The following FGF12 variants were observed in gnomAD, a reference collection of about 807,000 sequenced individuals.
FGF12 encodes the protein fibroblast growth factor 12.
A neutral mutation model predicts 23.6 loss-of-function variants in FGF12; 14 were observed. The observed-to-expected ratio is 0.59, with a 90% CI of 0.39 to 0.93. The LOEUF is 0.93. FGF12 is among the 40% of genes least tolerant of loss of function. The pLI is 0.00. For missense variants in FGF12, 175 were observed against 217.8 expected, an observed-to-expected ratio of 0.80 and a Z score of 1.24; for synonymous variants, 62 against 77.3, an observed-to-expected ratio of 0.80 and a Z score of 1.04.
intron 4 of FGF12, among the ~76,000 whole-genome samples, chr3:192,236,402 G>T (rs1441270676): frequency 6.6e-6 from 1 of 152,108 alleles, no homozygotes; most frequent in African/African-American, 2.4e-5. Context: ...GTTTACATTT[G>T]ATATATCTTT....
At chr3:192,317,800 G>A (rs547113792) in intron 4 of FGF12, among the ~76,000 whole-genome samples, 68 of 152,282 alleles carry the variant, frequency 4.5e-4, no homozygotes, top group African/African-American at 1.5e-3. Context: ...CTGGCTTTAG[G>A]TATGACCTAG....
At chr3:192,472,448 C>T (rs1307264436) in intron 2 of FGF12, among the ~76,000 whole-genome samples, 3 of 152,118 alleles carry the variant, frequency 2.0e-5, no homozygotes, top group Admixed American at 6.5e-5. Context: ...CCTTTCCTAA[C>T]ACTGTCACTT....
chr3:192,195,952 G>A (rs577557303), intron 4 of FGF12, among the ~76,000 whole-genome samples: 1 of 152,230 alleles, frequency 6.6e-6, no homozygotes, highest in South Asian at 2.1e-4. Flanking sequence ...GAGATCTCTT[G>A]AACTTAACTC....
intron 5 of FGF12, among the ~76,000 whole-genome samples, chr3:192,144,708 G>A (rs546670436): frequency 6.6e-6 from 1 of 152,228 alleles, no homozygotes; most frequent in African/African-American, 2.4e-5. Context: ...TCATCAATAG[G>A]GAACGTGATT....
At chr3:192,534,605 T>A (rs929686144) in intron 2 of FGF12, among the ~76,000 whole-genome samples, 2 of 152,146 alleles carry the variant, frequency 1.3e-5, no homozygotes, top group African/African-American at 4.8e-5. Context: ...TTGGCCGGAC[T>A]GGTACCGAAC....
At chr3:192,188,769 A>T (rs375703988) in intron 4 of FGF12, among the ~76,000 whole-genome samples, 1 of 152,216 alleles carries the variant, frequency 6.6e-6, no homozygotes, top group Non-Finnish European at 1.5e-5. Flanking sequence ...GAATCATCAT[A>T]CTTATTTCAC....
chr3:192,221,798 C>A (rs77254804), intron 4 of FGF12, among the ~76,000 whole-genome samples: 5,461 of 151,968 alleles, frequency 0.036, 326 homozygotes, highest in African/African-American at 0.13. Context: ...AAGATACAAT[C>A]CTGTCTCTAG....
At chr3:192,443,055 G>A (rs1722248740) in intron 2 of FGF12, among the ~76,000 whole-genome samples, 1 of 151,968 alleles carries the variant, frequency 6.6e-6, no homozygotes, top group African/African-American at 2.4e-5. Flanking sequence ...GATCCACTTT[G>A]CCTCAACCTC....
At chr3:192,502,771 G>A (rs1442004038) in intron 2 of FGF12, among the ~76,000 whole-genome samples, 10 of 152,206 alleles carry the variant, frequency 6.6e-5, no homozygotes, top group African/African-American at 2.4e-4. Context: ...ATGGAATTGG[G>A]AGTAGCGCCT....
intron 2 of FGF12, among the ~76,000 whole-genome samples, chr3:192,713,175 G>A (rs756356612): frequency 7.9e-5 from 12 of 152,124 alleles, no homozygotes; most frequent in Non-Finnish European, 1.6e-4. Flanking sequence ...ACTAAATACT[G>A]ATCTAACAAA....
At chr3:192,468,587 C>T (rs983254024) in intron 2 of FGF12, among the ~76,000 whole-genome samples, 1 of 152,160 alleles carries the variant, frequency 6.6e-6, no homozygotes, top group African/African-American at 2.4e-5. Flanking sequence ...ATGCTGTGTC[C>T]TTCTTAGACA....
chr3:192,196,437 G>C (rs1179871811), intron 4 of FGF12, among the ~76,000 whole-genome samples: 1 of 152,028 alleles, frequency 6.6e-6, no homozygotes, highest in Non-Finnish European at 1.5e-5. Context: ...AAATGTAAAA[G>C]ATCATTATAA....
chr3:192,408,010 C>G lies in FGF12; in HGVS notation c.14-47472G>C. The G allele has an allele frequency of 6.3e-7, 1 of 1,595,148 alleles. No homozygotes were observed. Among genetic ancestry groups the G allele is most frequent in the South Asian group, 1.1e-5 (1 of 88,964 alleles). Reference sequence around the variant, plus strand: ...CGTCCCCTCTGGGGAGCCCACTCTCCGGGCTTCTACTGACCTGGTCTCCGC... The same window carrying G: ...CGTCCCCTCTGGGGAGCCCACTCTCGGGGCTTCTACTGACCTGGTCTCCGC... On this transcript the variant is annotated intron_variant, in intron 2 of 5. Transcript: ENST00000445105. The surrounding 1 kb of genome is among the most constrained non-coding windows in gnomAD (Gnocchi z 7.3).
At chr3:192,529,617 T>C (rs545168382) in intron 2 of FGF12, among the ~76,000 whole-genome samples, 1 of 152,282 alleles carries the variant, frequency 6.6e-6, no homozygotes, top group East Asian at 1.9e-4. Context: ...GATAAAGACA[T>C]ACTGGAGACT....
chr3:192,713,785 CT>C (rs1022060935), intron 2 of FGF12, among the ~76,000 whole-genome samples: 4 of 152,270 alleles, frequency 2.6e-5, no homozygotes, highest in Middle Eastern at 3.4e-3. Flanking sequence ...GTACAAGGTG[CT>C]TTCTAGACTT....
At chr3:192,490,875 G>A (rs910905233) in intron 2 of FGF12, among the ~76,000 whole-genome samples, 1 of 152,088 alleles carries the variant, frequency 6.6e-6, no homozygotes, top group African/African-American at 2.4e-5. Context: ...GCTGCCCTTG[G>A]GGAGGGCAGT....
intron 3 of FGF12, among the ~76,000 whole-genome samples, chr3:192,342,791 A>G (rs1235218116): frequency 5.3e-5 from 8 of 152,090 alleles, no homozygotes. Flanking sequence ...CAACAAAATA[A>G]AATAAAAAAT....
chr3:192,517,735 A>C (rs1426941297), intron 2 of FGF12, among the ~76,000 whole-genome samples: 2 of 152,212 alleles, frequency 1.3e-5, no homozygotes, highest in Non-Finnish European at 2.9e-5. Flanking sequence ...TTTGTAAGTA[A>C]GTATGAAAGG....
rs139889498 is a variant in FGF12, at chr3:192,583,635, C to T, written c.13+143546G>A. ...AAAATGTGACTTTCAGACCCCCTGA[C>T]TTCATCCTACCTACAATTGAAGAGC... is the stretch of plus-strand genomic sequence containing the variant. On this transcript the variant is annotated intron_variant, in intron 2 of 5. Coordinates refer to ENST00000445105, the MANE Select transcript of FGF12 (RefSeq NM_004113.6). 1.3e-3 allele frequency among the ~76,000 whole-genome samples: 200 copies of T among 152,306 alleles called. 2 individuals carry two copies. Among genetic ancestry groups the T allele is most frequent in the African/African-American group, 4.5e-3 (188 of 41,574 alleles).
Sources: gnomAD v4.1 joint callset for allele counts (sites outside exome capture counted in the v4.1 genomes callset) on GRCh38, gnomAD v4.1.1 for gene constraint, Gnocchi (gnomAD v3.1) non-coding constraint, MANE v1.5 for transcripts, NCBI Gene and HGNC (gene_info 2026-07-23, HGNC 2026-07-21) for gene names.